Variants in MTMR8 observed in about 807,000 individuals in gnomAD.
MTMR8 encodes phosphatidylinositol-3,5-bisphosphate 3-phosphatase MTMR8.
MTMR8 carries 65 observed loss-of-function variants against 39.3 expected under a neutral mutation model. The ratio of observed to expected loss-of-function variants is 1.65; its 90% CI spans 1.35 to 2.03. The LOEUF (loss-of-function observed/expected upper bound fraction) is 2.03, where lower values mean the gene tolerates loss of function less well. Among genes scored for constraint, MTMR8 ranks in the 30% most tolerant of loss-of-function variants. The probability of loss-of-function intolerance (pLI) is 0.00; values close to 1 mark genes in which losing one functional copy is unlikely to be tolerated. For synonymous variants in MTMR8, 245 were observed against 185.2 expected (o/e 1.32, Z -2.62); for missense variants, 777 against 538.9 (o/e 1.44, Z -4.37).
chrX:64,379,883 A>G (rs1924365479), intron 1 of MTMR8, among the ~76,000 whole-genome samples: 1 of 111,752 alleles, frequency 8.9e-6, no homozygotes, highest in Admixed American at 9.5e-5. Flanking sequence ...ATCATTTAAC[A>G]ATCAATTAAT....
chrX:64,383,644 A>G (rs7061560), intron 1 of MTMR8, among the ~76,000 whole-genome samples: 1 of 109,233 alleles, frequency 9.2e-6, no homozygotes, highest in Non-Finnish European at 1.9e-5. Flanking sequence ...AAGAAGCCAC[A>G]CACTTTCAAA....
At chrX:64,269,389 T>C (rs748585956) in intron 13 of MTMR8, among the ~76,000 whole-genome samples, 2 of 111,840 alleles carry the variant, frequency 1.8e-5, no homozygotes, top group South Asian at 7.6e-4. Flanking sequence ...TTTATCCTTA[T>C]AATAAACCTA....
chrX:64,270,988 G>C lies in MTMR8; in HGVS notation c.1567C>G (p.Gln523Glu). 1 of 1,210,252 alleles carries C rather than the reference G, an allele frequency of 8.3e-7. No homozygotes were observed. Residue 523 changes from glutamine (Q) to glutamate (E), a missense_variant, in exon 13 of 14, where the codon CAG becomes GAG. Coordinates refer to ENST00000374852, the MANE Select transcript of MTMR8 (RefSeq NM_017677.4). ...ACATCTGTCTCCAGCATTGCTCTCT[G>C]TTTCTTAATTTCCAGGAGGCTCTCT... ...MLESLLEIKK[Q>E]RAMLETDVHE...
intron 12 of MTMR8, among the ~76,000 whole-genome samples, chrX:64,324,814 CAAAA>C (rs758476355): frequency 1.4e-4 from 4 of 28,746 alleles, no homozygotes; most frequent in African/African-American, 2.9e-4. Context: ...TGTTGCTCAC[CAAAA>C]AAAAAAAAAA....
intron 1 of MTMR8, among the ~76,000 whole-genome samples, chrX:64,393,258 C>T (rs749565562): frequency 4.4e-4 from 49 of 111,727 alleles, no homozygotes; most frequent in Non-Finnish European, 7.9e-4. Context: ...ATAATAGTAT[C>T]TCCTAATAGG....
intron 12 of MTMR8, among the ~76,000 whole-genome samples, chrX:64,288,991 C>T (rs749188575): frequency 9.2e-4 from 101 of 109,724 alleles, no homozygotes; most frequent in African/African-American, 3.3e-3. Context: ...ATGTTGTGCA[C>T]ATGTACCCTA....
At chrX:64,374,062 T>A in intron 1 of MTMR8, among the ~76,000 whole-genome samples, 1 of 112,114 alleles carries the variant, frequency 8.9e-6, no homozygotes, top group East Asian at 2.8e-4. Context: ...TGTACCAGAT[T>A]CTGTGCTAAA....
chrX:64,359,423 T>A lies in MTMR8; in HGVS notation c.129A>T (p.Ala43=). The change falls in exon 2 of 14, where the codon GCA becomes GCT. Residue 43 remains alanine, a synonymous_variant. Transcript: ENST00000374852. ...THLIYVEASG[A]ARKETWIALH... is the part of the protein sequence containing the mutation. ...AACATACCCATGTTTCTTTCCGGGC[T>A]GCACCTGAAGCCTCCACATAGATCA... 1.7e-6 allele frequency: 2 copies of A among 1,205,393 alleles called. No homozygotes were observed. The highest frequency in any genetic ancestry group is 2.2e-5 in the Admixed American group (1 of 45,631).
intron 1 of MTMR8, among the ~76,000 whole-genome samples, chrX:64,368,203 T>C (rs1924029993): frequency 9.0e-6 from 1 of 111,312 alleles, no homozygotes; most frequent in Non-Finnish European, 1.9e-5. Context: ...ATACATTCAA[T>C]GCCATCCCCA....
chrX:64,361,425 G>T, intron 1 of MTMR8, among the ~76,000 whole-genome samples: 1 of 111,585 alleles, frequency 9.0e-6, no homozygotes, highest in Non-Finnish European at 1.9e-5. Context: ...TTTATGAAAT[G>T]TAGACACAAA....
At chrX:64,364,420 C>T (rs1923886730) in intron 1 of MTMR8, among the ~76,000 whole-genome samples, 1 of 111,876 alleles carries the variant, frequency 8.9e-6, no homozygotes, top group Non-Finnish European at 1.9e-5. Context: ...ATTTGCTGCT[C>T]TGCAATATTT....
In MTMR8 at chrX:64,337,313, A is replaced by T; in HGVS notation, c.1056T>A (p.Ala352=). The T allele has an allele frequency of 8.3e-7, 1 of 1,210,175 alleles. No homozygotes were observed. Among genetic ancestry groups the T allele is most frequent in the Non-Finnish European group, 1.1e-6 (1 of 894,205 alleles). ...TATAAAATGGATCTAGGAGGATGCT[A>T]GCCACTGAGCAGACTTGTGCTGTGC... ...WDRTAQVCSV[A]SILLDPFYRT... Residue 352 remains alanine (A), a synonymous_variant, in exon 9 of 14, where the codon GCT becomes GCA. Transcript: ENST00000374852.
In MTMR8 at chrX:64,331,669, G is replaced by A. The variant is rs139002441; in HGVS notation, c.1240C>T (p.Pro414Ser). Residue 414 changes from proline (P) to serine (S), a missense_variant, in exon 11 of 14, where the codon CCC (proline) becomes TCC (serine). Pro to Ser is a moderately conservative substitution (Grantham distance 74). Coordinates refer to ENST00000374852, the MANE Select transcript of MTMR8 (RefSeq NM_017677.4). ...DCIWQLMEQF[P>S]CAFEFNENFL... The stretch of plus-strand genomic sequence containing the variant: ...TTTTCATTAAACTCAAAGGCACAGG[G>A]AAACTGTTCCATTAATTGCCAGATA... 4.7e-5 allele frequency: 57 copies of A among 1,208,431 alleles called. No homozygotes were observed. The African/African-American group carries it at 9.1e-4, about 19-fold the overall frequency.
intron 1 of MTMR8, among the ~76,000 whole-genome samples, chrX:64,363,521 C>T (rs1164670516): frequency 8.9e-6 from 1 of 112,208 alleles, no homozygotes; most frequent in Non-Finnish European, 1.9e-5. Context: ...CTGTCTGAGG[C>T]CTACCCAGAG....
At chrX:64,358,318 G>A (rs780561109) in intron 2 of MTMR8, among the ~76,000 whole-genome samples, 37 of 111,438 alleles carry the variant, frequency 3.3e-4, no homozygotes, top group Admixed American at 1.4e-3. Context: ...ACAGCAAAAG[G>A]AGCAAAATAC....
At chrX:64,333,407 A>C (rs924756618) in intron 10 of MTMR8, among the ~76,000 whole-genome samples, 5 of 111,294 alleles carry the variant, frequency 4.5e-5, no homozygotes, top group African/African-American at 1.6e-4. Context: ...CACATATAGC[A>C]CCTTTTCTGC....
At chrX:64,277,299 G>T (rs1040207645) in intron 12 of MTMR8, among the ~76,000 whole-genome samples, 5 of 111,798 alleles carry the variant, frequency 4.5e-5, no homozygotes, top group Non-Finnish European at 9.4e-5. Flanking sequence ...GATGCTAGCT[G>T]GTTATTTTGC....
At chrX:64,290,873 G>A (rs1186357221) in intron 12 of MTMR8, among the ~76,000 whole-genome samples, 3 of 111,693 alleles carry the variant, frequency 2.7e-5, no homozygotes, top group East Asian at 5.6e-4. Flanking sequence ...AGGACATCTG[G>A]GTTGTTTTCA....
At chrX:64,286,647 G>A (rs1415905081) in intron 12 of MTMR8, among the ~76,000 whole-genome samples, 1 of 111,896 alleles carries the variant, frequency 8.9e-6, no homozygotes, top group Admixed American at 9.5e-5. Context: ...GGGATGCAAG[G>A]CTGGTTCAAT....
Sources: allele counts gnomAD v4.1 joint callset (sites outside exome capture counted in the v4.1 genomes callset), GRCh38; gene constraint gnomAD v4.1.1; transcripts MANE v1.5; gene names NCBI Gene and HGNC (gene_info 2026-07-23, HGNC 2026-07-21).